The following LHFPL2 variants were observed in gnomAD, a reference collection of about 807,000 sequenced individuals.
LHFPL2 encodes the protein LHFPL tetraspan subfamily member 2 protein.
A neutral mutation model predicts 17.5 loss-of-function variants in LHFPL2; 7 were observed. The ratio of observed to expected loss-of-function variants is 0.40; its 90% CI spans 0.23 to 0.75. The LOEUF is 0.75. Among genes scored for constraint, LHFPL2 ranks in the 30% least tolerant of loss-of-function variants. The probability of loss-of-function intolerance (pLI) is 0.37; values close to 1 mark genes in which losing one functional copy is unlikely to be tolerated. For synonymous variants in LHFPL2, 134 were observed against 116.2 expected, an observed-to-expected ratio of 1.15 and a Z score of -0.99; for missense variants, 241 against 294.8, an observed-to-expected ratio of 0.82 and a Z score of 1.34.
At position 78,485,832 on chromosome 5, in the gene LHFPL2, A is replaced by C. The variant is rs1044910479; in HGVS notation, c.*3065T>G. On this transcript the variant is annotated 3_prime_UTR_variant, in exon 5 of 5. Transcript: ENST00000380345. ...CCTGGCGTGCGGGCTTAACTTTGAC[A>C]TAACACTAGCGATTATTTTAGACCC... 6.6e-6 allele frequency: 1 copy of C among 152,664 alleles called. No homozygotes were observed. The highest frequency in any genetic ancestry group is 2.4e-5 in the African/African-American group (1 of 41,468). The allele number at this position is 152,664 out of a possible 1,614,324, so 9.5% of individuals were successfully genotyped here.
chr5:78,639,634 TA>T (rs33917049), intron 1 of LHFPL2, among the ~76,000 whole-genome samples: 72,702 of 150,718 alleles, frequency 0.48, 17,582 homozygotes, highest in African/African-American at 0.55. Flanking sequence ...TTGGCCATTT[TA>T]AAAAAAAAAC....
intron 2 of LHFPL2, among the ~76,000 whole-genome samples, chr5:78,611,211 G>A (rs961319559): frequency 2.6e-5 from 4 of 152,212 alleles, no homozygotes; most frequent in African/African-American, 7.2e-5. Context: ...TGAGCTCAGT[G>A]CAGCACGCGT....
chr5:78,508,623 A>T (rs1237196351), intron 4 of LHFPL2, among the ~76,000 whole-genome samples: 20 of 152,198 alleles, frequency 1.3e-4, no homozygotes, highest in Non-Finnish European at 1.5e-5. Flanking sequence ...TGAGCTCAAG[A>T]GTTTGCTATG....
intron 1 of LHFPL2, among the ~76,000 whole-genome samples, chr5:78,641,336 G>A (rs1745653680): frequency 6.6e-6 from 1 of 152,204 alleles, no homozygotes; most frequent in African/African-American, 2.4e-5. Context: ...CAGACAACCT[G>A]GTTACGTCTA....
chr5:78,500,986 C>T (rs1380169468), intron 4 of LHFPL2, among the ~76,000 whole-genome samples: 2 of 152,148 alleles, frequency 1.3e-5, no homozygotes, highest in East Asian at 3.9e-4. Flanking sequence ...CAGATATGTG[C>T]CTGTCAGCGA....
intron 1 of LHFPL2, among the ~76,000 whole-genome samples, chr5:78,634,075 T>C (rs2112517269): frequency 6.6e-6 from 1 of 152,350 alleles, no homozygotes; most frequent in African/African-American, 2.4e-5. Flanking sequence ...TTTCTTTGAA[T>C]ATCTATCTTC....
At chr5:78,631,006 A>C (rs1745224539) in intron 2 of LHFPL2, among the ~76,000 whole-genome samples, 1 of 152,190 alleles carries the variant, frequency 6.6e-6, no homozygotes, top group South Asian at 2.1e-4. Flanking sequence ...GGATAATGCG[A>C]GATCAACTCA....
At chr5:78,568,644 C>G (rs886442839) in intron 2 of LHFPL2, among the ~76,000 whole-genome samples, 1 of 152,282 alleles carries the variant, frequency 6.6e-6, no homozygotes, top group Admixed American at 6.5e-5. Context: ...GAAGAAAGAA[C>G]TGTGTAATAA....
Position 78,485,412 on chromosome 5 carries a change from T to C in LHFPL2, c.*3485A>G, listed in dbSNP as rs1754205325. ...AATACAATTTTATATTTGGCTCAAG[T>C]GGCTGTTGAATATCAAGTGGTGCCG... is the stretch of plus-strand genomic sequence containing the variant. On this transcript the variant is annotated 3_prime_UTR_variant, in exon 5 of 5. Coordinates refer to ENST00000380345, the MANE Select transcript of LHFPL2 (RefSeq NM_005779.3). The C allele has an allele frequency of 6.6e-6, 1 of 152,664 alleles. No individual in the cohort carries two copies. The highest frequency in any genetic ancestry group is 1.5e-5 in the Non-Finnish European group (1 of 68,036). 9.5% of individuals were successfully genotyped at this position (152,664 alleles called of 1,614,324 possible). A position where few individuals can be genotyped will look rare whatever the true frequency, so the allele number is the denominator to read the frequency against.
At chr5:78,566,755 G>T (rs1350372309) in intron 2 of LHFPL2, among the ~76,000 whole-genome samples, 1 of 152,214 alleles carries the variant, frequency 6.6e-6, no homozygotes, top group Non-Finnish European at 1.5e-5. Context: ...ACTGCGCCCG[G>T]CGAAACGATG....
chr5:78,545,768 C>T (rs1046340012), intron 3 of LHFPL2, among the ~76,000 whole-genome samples: 5 of 152,088 alleles, frequency 3.3e-5, no homozygotes, highest in Admixed American at 1.3e-4. Context: ...GTCAACTGAC[C>T]GAAGATAACT....
intron 3 of LHFPL2, among the ~76,000 whole-genome samples, chr5:78,543,876 C>T (rs921251785): frequency 3.9e-5 from 6 of 152,182 alleles, no homozygotes; most frequent in Non-Finnish European, 5.9e-5. Flanking sequence ...TGACTTGGGA[C>T]GGGAGGTGGA....
At chr5:78,646,944 C>T (rs1342166247) in intron 1 of LHFPL2, among the ~76,000 whole-genome samples, 1 of 152,116 alleles carries the variant, frequency 6.6e-6, no homozygotes. Flanking sequence ...AATGACTGCC[C>T]CTCCCCATCC....
intron 3 of LHFPL2, among the ~76,000 whole-genome samples, chr5:78,536,431 T>C (rs982990520): frequency 1.8e-4 from 28 of 152,194 alleles, no homozygotes; most frequent in African/African-American, 6.3e-4. Context: ...CTCCCAAACA[T>C]GGCCTTGTCT....
chr5:78,530,171 A>G (rs1355903764), intron 3 of LHFPL2, among the ~76,000 whole-genome samples: 2 of 152,214 alleles, frequency 1.3e-5, no homozygotes, highest in Non-Finnish European at 2.9e-5. Context: ...AATTGCAAAT[A>G]ATTTTTTTAA....
chr5:78,588,468 G>A (rs1386867798), intron 2 of LHFPL2, among the ~76,000 whole-genome samples: 1 of 152,164 alleles, frequency 6.6e-6, no homozygotes, highest in Non-Finnish European at 1.5e-5. Context: ...TATTGATTTA[G>A]TAACCTTGGG....
intron 3 of LHFPL2, among the ~76,000 whole-genome samples, chr5:78,532,603 T>C (rs781562733): frequency 6.6e-6 from 1 of 152,192 alleles, no homozygotes; most frequent in Non-Finnish European, 1.5e-5. Flanking sequence ...TAAAGCACCA[T>C]CATTAGGTTT....
chr5:78,496,347 G>A (rs895846503), intron 4 of LHFPL2, among the ~76,000 whole-genome samples: 5 of 152,206 alleles, frequency 3.3e-5, no homozygotes, highest in African/African-American at 9.7e-5. Flanking sequence ...TGCTAGGTGT[G>A]TCACACAACT....
At chr5:78,574,912 T>A (rs1757090612) in intron 2 of LHFPL2, among the ~76,000 whole-genome samples, 1 of 152,242 alleles carries the variant, frequency 6.6e-6, no homozygotes, top group Non-Finnish European at 1.5e-5. Context: ...TCAGTCTCTC[T>A]GTGTGACTCA....
Sources: allele counts gnomAD v4.1 joint callset (sites outside exome capture counted in the v4.1 genomes callset), GRCh38; gene constraint gnomAD v4.1.1; transcripts MANE v1.5; gene names NCBI Gene and HGNC (gene_info 2026-07-23, HGNC 2026-07-21).